Variants in LMBRD1 observed in about 807,000 individuals in gnomAD.
LMBRD1 encodes the protein lysosomal cobalamin transport escort protein LMBD1.
Under a neutral mutation model 74.8 loss-of-function variants are expected in LMBRD1, and 64 were observed. The ratio of observed to expected loss-of-function variants is 0.86; its 90% confidence interval spans 0.70 to 1.05. The LOEUF (loss-of-function observed/expected upper bound fraction) is 1.05, where lower values mean the gene tolerates loss of function less well. LMBRD1 is among the 50% of genes least tolerant of loss of function. The pLI, the probability that LMBRD1 is intolerant of heterozygous loss-of-function variation, is 0.00. For missense variants in LMBRD1, 652 were observed against 645.9 expected (o/e 1.01, Z -0.10); for synonymous variants, 204 against 216.3 (o/e 0.94, Z 0.50).
At chr6:69,721,094 T>G (rs1176551685) in intron 7 of LMBRD1, among the ~76,000 whole-genome samples, 1 of 152,232 alleles carries the variant, frequency 6.6e-6, no homozygotes, top group Non-Finnish European at 1.5e-5. Context: ...TGGTTGGAAC[T>G]GGAGTTTCTC....
chr6:69,721,320 G>A (rs1226407873), intron 7 of LMBRD1, among the ~76,000 whole-genome samples: 2 of 152,132 alleles, frequency 1.3e-5, no homozygotes, highest in Non-Finnish European at 2.9e-5. Context: ...CTCAACAAAG[G>A]TGACTCTTTC....
chr6:69,706,011 C>A, intron 9 of LMBRD1: 1 of 783,366 alleles, frequency 1.3e-6, no homozygotes, highest in Non-Finnish European at 2.3e-6. Context: ...TTCCATCAGC[C>A]CCTAAACTGA....
At chr6:69,715,890 G>A (rs1409375192) in intron 8 of LMBRD1, among the ~76,000 whole-genome samples, 1 of 152,036 alleles carries the variant, frequency 6.6e-6, no homozygotes, top group Non-Finnish European at 1.5e-5. Context: ...CTGTTCATGT[G>A]TTAGTTTGCT....
intron 7 of LMBRD1, among the ~76,000 whole-genome samples, chr6:69,735,035 C>T (rs9360400): frequency 0.48 from 72,537 of 152,024 alleles, 17,931 homozygotes; most frequent in African/African-American, 0.6. Context: ...TAGCTGAACG[C>T]TTTTGTATTG....
At chr6:69,691,144 TC>T (rs1237793951) in intron 14 of LMBRD1, among the ~76,000 whole-genome samples, 95 of 43,684 alleles carry the variant, frequency 2.2e-3, no homozygotes, top group Non-Finnish European at 3.1e-3. Context: ...ACGGCCTCTC[TC>T]TCTCTTTTTT....
chr6:69,701,921 T>C lies in LMBRD1; in HGVS notation c.948A>G (p.Ala316=). The change falls in exon 10 of 16, where the codon GCA becomes GCG. Residue 316 remains alanine (A), a synonymous_variant. Coordinates refer to ENST00000649934, the MANE Select transcript of LMBRD1 (RefSeq NM_018368.4). ...AGAAGAGAGAAATTACAAACAGCAA[T>C]GCAACTAAGATGAAAAATATTCCCC... ...IVWGIFFILV[A]LLFVISLFLS... The C allele has an allele frequency of 6.2e-7, 1 of 1,601,950 alleles. No individual in the cohort carries two copies. The highest frequency in any genetic ancestry group is 8.5e-7 in the Non-Finnish European group (1 of 1,169,862).
At chr6:69,735,883 C>CT (rs923449902) in intron 7 of LMBRD1, among the ~76,000 whole-genome samples, 53 of 152,310 alleles carry the variant, frequency 3.5e-4, no homozygotes, top group African/African-American at 1.3e-3. Flanking sequence ...ACTTTTACTA[C>CT]TCCCCCTTGT....
At chr6:69,749,883 CAT>C (rs1277509241) in intron 4 of LMBRD1, among the ~76,000 whole-genome samples, 3 of 135,330 alleles carry the variant, frequency 2.2e-5, no homozygotes, top group Non-Finnish European at 4.6e-5. Flanking sequence ...TATATATACA[CAT>C]ATACATACTC....
intron 3 of LMBRD1, among the ~76,000 whole-genome samples, chr6:69,760,095 T>C (rs1765344629): frequency 6.6e-6 from 1 of 152,182 alleles, no homozygotes; most frequent in South Asian, 2.1e-4. Context: ...TGTCATTATC[T>C]ACCATACTGA....
At chr6:69,716,769 A>G (rs1193855979) in intron 8 of LMBRD1, among the ~76,000 whole-genome samples, 1 of 151,950 alleles carries the variant, frequency 6.6e-6, no homozygotes, top group African/African-American at 2.4e-5. Context: ...GCCATTAACA[A>G]TGTGCCATAA....
chr6:69,764,332 ACTCTCTCT>A (rs113092782), intron 3 of LMBRD1, among the ~76,000 whole-genome samples: 1 of 147,780 alleles, frequency 6.8e-6, no homozygotes, highest in Non-Finnish European at 1.5e-5. Context: ...TCGTTACCTC[ACTCTCTCT>A]CTCTCTCTCT....
intron 14 of LMBRD1, among the ~76,000 whole-genome samples, chr6:69,679,511 T>C (rs1765618288): frequency 1.3e-5 from 2 of 152,298 alleles, no homozygotes; most frequent in South Asian, 4.1e-4. Flanking sequence ...AATCCATTCA[T>C]ATTCAATGAC....
At chr6:69,705,998 CT>C in intron 9 of LMBRD1, 1 of 817,430 alleles carries the variant, frequency 1.2e-6, no homozygotes, top group Non-Finnish European at 2.1e-6. Flanking sequence ...TGTAATTCAT[CT>C]TTTCCATCAG....
At chr6:69,781,008 G>C (rs1765822526) in intron 2 of LMBRD1, among the ~76,000 whole-genome samples, 1 of 152,138 alleles carries the variant, frequency 6.6e-6, no homozygotes, top group African/African-American at 2.4e-5. Flanking sequence ...ATATGTCAGG[G>C]GCTTGTGAGT....
intron 3 of LMBRD1, among the ~76,000 whole-genome samples, chr6:69,768,383 A>G (rs535187599): frequency 3.7e-4 from 57 of 152,032 alleles, no homozygotes; most frequent in Middle Eastern, 3.4e-3. Flanking sequence ...TGGTTGCTAT[A>G]GGAATTATAC....
chr6:69,787,843 A>C (rs1229991237), intron 2 of LMBRD1, among the ~76,000 whole-genome samples: 1 of 152,230 alleles, frequency 6.6e-6, no homozygotes, highest in Admixed American at 6.5e-5. Flanking sequence ...TAACATTTAG[A>C]TTTAACAAAT....
Position 69,718,958 on chromosome 6 carries a change from T to C in LMBRD1, c.760A>G (p.Lys254Glu). 6.2e-7 allele frequency: 1 copy of C among 1,613,436 alleles called. No individual in the cohort carries two copies. The highest frequency in any genetic ancestry group is 8.5e-7 in the Non-Finnish European group (1 of 1,179,608). The change falls in exon 8 of 16, where the codon AAA becomes GAA. Residue 254 changes from lysine (K) to glutamate (E), a missense_variant and splice_region_variant. Physicochemically the swap from Lys to Glu is moderately conservative, Grantham distance 56. Around this residue, in one of 3 missense-constraint regions of LMBRD1, gnomAD observed 598 missense variants for 581.8 expected, o/e 1.03. Coordinates refer to ENST00000649934, the MANE Select transcript of LMBRD1 (RefSeq NM_018368.4). ...VEQHIQTIKSKSKDGRPLPAR... is the reference protein window; with the variant it reads ...VEQHIQTIKSESKDGRPLPAR... Reference sequence around the variant, plus strand: ...ATTACACCAAAACATCAACTCACTTTTGATTTAATCGTTTGAATGTGTTGT... The same window carrying C: ...ATTACACCAAAACATCAACTCACTTCTGATTTAATCGTTTGAATGTGTTGT...
At chr6:69,763,846 C>T (rs1224521658) in intron 3 of LMBRD1, among the ~76,000 whole-genome samples, 1 of 152,132 alleles carries the variant, frequency 6.6e-6, no homozygotes, top group East Asian at 1.9e-4. Flanking sequence ...TATTGAAACG[C>T]TTTTTTCCTT....
chr6:69,716,257 T>C (rs995387228), intron 8 of LMBRD1, among the ~76,000 whole-genome samples: 1 of 152,208 alleles, frequency 6.6e-6, no homozygotes, highest in African/African-American at 2.4e-5. Context: ...CCTTCTCTTT[T>C]CTCAGCAACC....
Sources: gnomAD v4.1 joint callset for allele counts (sites outside exome capture counted in the v4.1 genomes callset) on GRCh38, gnomAD v4.1.1 for gene constraint, gnomAD v4.1.1 regional missense constraint, MANE v1.5 for transcripts, NCBI Gene and HGNC (gene_info 2026-07-23, HGNC 2026-07-21) for gene names.